Variants in DOCK3 observed in about 807,000 individuals in gnomAD.
The protein encoded by DOCK3 is dedicator of cytokinesis 3.
A neutral mutation model predicts 265.6 loss-of-function variants in DOCK3; 60 were observed. The ratio of observed to expected loss-of-function variants is 0.23; its 90% confidence interval spans 0.18 to 0.28. The LOEUF (loss-of-function observed/expected upper bound fraction) is 0.28. DOCK3 is among the 10% of genes least tolerant of loss of function. The probability of loss-of-function intolerance (pLI) is 1.00; values close to 1 mark genes in which losing one functional copy is unlikely to be tolerated. For missense variants in DOCK3, 1,981 were observed against 2,594.3 expected, an observed-to-expected ratio of 0.76 and a Z score of 5.14; for synonymous variants, 881 against 938.0, an observed-to-expected ratio of 0.94 and a Z score of 1.11.
At chr3:50,927,918 C>T (rs1362869626) in intron 4 of DOCK3, among the ~76,000 whole-genome samples, 1 of 152,078 alleles carries the variant, frequency 6.6e-6, no homozygotes, top group Admixed American at 6.6e-5. Flanking sequence ...TTCCTATTAG[C>T]AGTAGACGAG....
chr3:51,202,274 G>C (rs2088839095), intron 12 of DOCK3, among the ~76,000 whole-genome samples: 2 of 150,192 alleles, frequency 1.3e-5, no homozygotes, highest in African/African-American at 2.5e-5. Flanking sequence ...CTGCTAGCAA[G>C]ACTAATAAAG....
intron 5 of DOCK3, among the ~76,000 whole-genome samples, chr3:51,020,232 GT>G (rs1000307530): frequency 2.7e-5 from 4 of 148,564 alleles, no homozygotes; most frequent in African/African-American, 1.0e-4. Flanking sequence ...ACAATGTTGA[GT>G]TTTTTTTCAT....
intron 33 of DOCK3, among the ~76,000 whole-genome samples, chr3:51,332,344 C>T (rs1192239622): frequency 6.6e-6 from 1 of 152,186 alleles, no homozygotes; most frequent in Non-Finnish European, 1.5e-5. Context: ...TTGGAGAAGC[C>T]AGGGGCTGCC....
intron 6 of DOCK3, among the ~76,000 whole-genome samples, chr3:51,065,136 T>A (rs563299529): frequency 6.6e-6 from 1 of 152,260 alleles, no homozygotes; most frequent in South Asian, 2.1e-4. Context: ...AAGACTTTGG[T>A]ATGGGAAGTT....
At chr3:50,751,565 T>C (rs2039810343) in intron 1 of DOCK3, among the ~76,000 whole-genome samples, 1 of 152,238 alleles carries the variant, frequency 6.6e-6, no homozygotes, top group African/African-American at 2.4e-5. Flanking sequence ...TAACTGAGAT[T>C]CATAGTAGTC....
At chr3:51,352,875 G>A (rs151303892) in intron 40 of DOCK3, among the ~76,000 whole-genome samples, 1 of 152,314 alleles carries the variant, frequency 6.6e-6, no homozygotes, top group Non-Finnish European at 1.5e-5. Context: ...GGTCAACACT[G>A]TGTGCGTTCT....
intron 1 of DOCK3, among the ~76,000 whole-genome samples, chr3:50,701,320 G>C (rs1032600780): frequency 6.1e-4 from 93 of 152,062 alleles, no homozygotes; most frequent in African/African-American, 2.2e-3. Flanking sequence ...GTCTTGCTCT[G>C]TTGCTCAGGT....
intron 21 of DOCK3, among the ~76,000 whole-genome samples, chr3:51,243,723 T>C (rs1394431127): frequency 6.6e-6 from 1 of 152,214 alleles, no homozygotes; most frequent in Non-Finnish European, 1.5e-5. Context: ...TTTGATGTAG[T>C]CCACCTTATT....
intron 12 of DOCK3, among the ~76,000 whole-genome samples, chr3:51,162,567 C>T (rs192776792): frequency 4.1e-4 from 63 of 152,320 alleles, no homozygotes; most frequent in African/African-American, 1.5e-3. Flanking sequence ...AAATCATCAT[C>T]ATTATCATCT....
intron 9 of DOCK3, among the ~76,000 whole-genome samples, chr3:51,139,131 G>A (rs562575701): frequency 2.4e-4 from 37 of 152,134 alleles, no homozygotes; most frequent in African/African-American, 8.7e-4. Flanking sequence ...GTCTCTAGAA[G>A]GGGAAAAAGC....
At chr3:50,734,549 C>CATTTTAT (rs1415126995) in intron 1 of DOCK3, among the ~76,000 whole-genome samples, 2 of 149,484 alleles carry the variant, frequency 1.3e-5, no homozygotes, top group African/African-American at 4.9e-5. Flanking sequence ...TCTCTCCCCA[C>CATTTTAT]ATTTTATGTC....
At chr3:51,266,433 A>G (rs1225169312) in intron 23 of DOCK3, among the ~76,000 whole-genome samples, 5 of 152,234 alleles carry the variant, frequency 3.3e-5, no homozygotes, top group African/African-American at 1.2e-4. Context: ...AAACTATACT[A>G]CAAGGCTACA....
intron 3 of DOCK3, among the ~76,000 whole-genome samples, chr3:50,852,284 A>G (rs1186921571): frequency 6.6e-6 from 1 of 152,218 alleles, no homozygotes; most frequent in African/African-American, 2.4e-5. Flanking sequence ...CAAATGGCTA[A>G]GGCATGCTAA....
intron 12 of DOCK3, among the ~76,000 whole-genome samples, chr3:51,207,727 G>A (rs751931768): frequency 1.9e-4 from 29 of 152,012 alleles, no homozygotes; most frequent in African/African-American, 6.8e-4. Flanking sequence ...TCTTACTGGG[G>A]TCTCCTCCTG....
At chr3:50,895,232 A>G (rs954416559) in intron 4 of DOCK3, among the ~76,000 whole-genome samples, 6 of 145,524 alleles carry the variant, frequency 4.1e-5, no homozygotes, top group African/African-American at 1.5e-4. Flanking sequence ...TTAGAACTTG[A>G]AAAACTCTTT....
At chr3:51,184,679 G>A (rs568569987) in intron 12 of DOCK3, among the ~76,000 whole-genome samples, 1 of 152,250 alleles carries the variant, frequency 6.6e-6, no homozygotes, top group African/African-American at 2.4e-5. Context: ...AGAATTTCAA[G>A]TAACGTATGC....
In DOCK3 at chr3:51,341,316, A is replaced by G. The variant is rs1215888497; in HGVS notation, c.3846A>G (p.Pro1282=). ...CACTACGGGAATTCCTCCACTACCC[A>G]TCGCAGACAGAGTGGCAGCGGAAGG... ...DRPLREFLHY[P]SQTEWQRKEG... is the part of the protein sequence containing the mutation. The change falls in exon 38 of 53, where the codon CCA becomes CCG. Residue 1282 remains proline, a synonymous_variant. Transcript: ENST00000266037. 6.2e-7 allele frequency: 1 copy of G among 1,613,532 alleles called. No individual in the cohort carries two copies. The highest frequency in any genetic ancestry group is 8.5e-7 in the Non-Finnish European group (1 of 1,179,724).
At chr3:50,734,602 GTTTTT>G (rs771129941) in intron 1 of DOCK3, among the ~76,000 whole-genome samples, 4 of 107,372 alleles carry the variant, frequency 3.7e-5, no homozygotes, top group African/African-American at 1.5e-4. Flanking sequence ...TTTACAGTGA[GTTTTT>G]TTTTTTTTTT....
chr3:50,883,852 A>G (rs1257267354), intron 3 of DOCK3, among the ~76,000 whole-genome samples: 4 of 152,106 alleles, frequency 2.6e-5, no homozygotes, highest in East Asian at 1.9e-4. Context: ...CATTTCCACA[A>G]ACAGAAACTT....
Sources: gnomAD v4.1 joint callset for allele counts (sites outside exome capture counted in the v4.1 genomes callset) on GRCh38, gnomAD v4.1.1 for gene constraint, MANE v1.5 for transcripts, NCBI Gene and HGNC (gene_info 2026-07-23, HGNC 2026-07-21) for gene names.